Variants in ZNF763 observed in about 807,000 individuals in gnomAD.
The protein encoded by ZNF763 is DNA-binding protein.
Under a neutral mutation model 38.0 loss-of-function variants are expected in ZNF763, and 33 were observed. The observed-to-expected ratio is 0.87, with a 90% CI of 0.66 to 1.16. ZNF763 has a LOEUF of 1.16. Among genes scored for constraint, ZNF763 ranks in the 50% most tolerant of loss-of-function variants. The pLI, the probability that ZNF763 is intolerant of heterozygous loss-of-function variation, is 0.00. For synonymous variants in ZNF763, 155 were observed against 160.1 expected, an observed-to-expected ratio of 0.97 and a Z score of 0.24; for missense variants, 423 against 469.1, an observed-to-expected ratio of 0.90 and a Z score of 0.91.
chr19:11,978,973 C>G lies in ZNF763; in HGVS notation c.1049C>G (p.Thr350Arg). 1 of 1,614,122 alleles carries G rather than the reference C, an allele frequency of 6.2e-7. No individual in the cohort carries two copies. The highest frequency in any genetic ancestry group is 8.5e-7 in the Non-Finnish European group (1 of 1,180,012). ...YQCKECRKAF[T>R]YPSSLRRHER... ...TGTAAGGAATGTAGAAAAGCATTCA[C>G]GTATCCCAGTTCCCTTCGTAGACAT... is the stretch of plus-strand genomic sequence containing the variant. Residue 350 changes from threonine (T) to arginine (R), a missense_variant, in exon 4 of 4, where the codon ACG (threonine) becomes AGG (arginine). Coordinates refer to ENST00000358987, the MANE Select transcript of ZNF763 (RefSeq NM_001367172.2).
chr19:11,974,439 C>T (rs1013443392), intron 1 of ZNF763, among the ~76,000 whole-genome samples: 1 of 151,772 alleles, frequency 6.6e-6, no homozygotes, highest in Non-Finnish European at 1.5e-5. Flanking sequence ...TCAGGTGATC[C>T]ACCCGCCTTG....
chr19:11,969,400 G>A (rs1031835422), intron 1 of ZNF763, among the ~76,000 whole-genome samples: 4 of 152,134 alleles, frequency 2.6e-5, no homozygotes, highest in Non-Finnish European at 4.4e-5. Flanking sequence ...TCACTGCACC[G>A]GGCCTGACTT....
rs754164570 is a variant in ZNF763 at position 11,978,787 on chromosome 19, A to T, written c.863A>T (p.Gln288Leu). ...HTGGKPYECK[Q>L]CGKSFSWCHS... ...GGGGGAAAGCCATATGAATGTAAAC[A>T]ATGTGGCAAATCCTTCAGTTGGTGT... The change falls in exon 4 of 4, where the codon CAA (glutamine) becomes CTA (leucine). Residue 288 changes from glutamine (Q) to leucine (L), a missense_variant. Coordinates refer to ENST00000358987, the MANE Select transcript of ZNF763 (RefSeq NM_001367172.2). 13 of 1,614,156 alleles carry T rather than the reference A, an allele frequency of 8.1e-6. No homozygotes were observed. The South Asian group carries it at 1.3e-4, about 16-fold the overall frequency.
At chr19:11,971,884 A>G (rs1973358642) in intron 1 of ZNF763, among the ~76,000 whole-genome samples, 1 of 152,026 alleles carries the variant, frequency 6.6e-6, no homozygotes, top group Non-Finnish European at 1.5e-5. Context: ...ACAAACGTGG[A>G]GGTTTCCATG....
At chr19:11,970,427 G>A (rs937105716) in intron 1 of ZNF763, among the ~76,000 whole-genome samples, 4 of 152,248 alleles carry the variant, frequency 2.6e-5, no homozygotes, top group Middle Eastern at 3.4e-3. Flanking sequence ...TTATAACAAC[G>A]TTAAATCCAT....
In ZNF763 at chr19:11,978,663, G is replaced by T; in HGVS notation, c.739G>T (p.Glu247Ter). 1 of 1,614,024 alleles carries T rather than the reference G, an allele frequency of 6.2e-7. No homozygotes were observed. The highest frequency in any genetic ancestry group is 8.5e-7 in the Non-Finnish European group (1 of 1,179,972). The change falls in exon 4 of 4, where the codon GAA (glutamate) becomes TAA (stop). Residue 247 changes from glutamate to a stop codon, truncating the protein, a stop_gained. Transcript: ENST00000358987. LOFTEE classifies it high-confidence loss of function. Reference sequence around the variant, plus strand: ...TTATTCTGCTACCCATCGAATACATGAAAGAACTCACACTGGAGAAAAGCC... The same window carrying T: ...TTATTCTGCTACCCATCGAATACATTAAAGAACTCACACTGGAGAAAAGCC... ...FSYSATHRIH[E>*]RTHTGEKPYE...
In ZNF763 at chr19:11,978,958, G is replaced by A. The variant is rs1291185678; in HGVS notation, c.1034G>A (p.Cys345Tyr). 6.2e-7 allele frequency: 1 copy of A among 1,614,212 alleles called. No individual in the cohort carries two copies. The highest frequency in any genetic ancestry group is 1.1e-5 in the South Asian group (1 of 91,088). Residue 345 changes from cysteine (C) to tyrosine (Y), a missense_variant, in exon 4 of 4, where the codon TGT becomes TAT. Coordinates refer to ENST00000358987, the MANE Select transcript of ZNF763 (RefSeq NM_001367172.2). The stretch of plus-strand genomic sequence containing the variant: ...GAGAAGCCTTATCAATGTAAGGAAT[G>A]TAGAAAAGCATTCACGTATCCCAGT... ...TGEKPYQCKE[C>Y]RKAFTYPSSL...
intron 1 of ZNF763, among the ~76,000 whole-genome samples, chr19:11,971,480 G>C (rs566110431): frequency 2.0e-5 from 3 of 152,140 alleles, no homozygotes; most frequent in South Asian, 4.2e-4. Context: ...ATTCTATAGA[G>C]CATCTTGGCT....
intron 1 of ZNF763, among the ~76,000 whole-genome samples, chr19:11,972,026 C>T (rs904372809): frequency 2.0e-5 from 3 of 151,084 alleles, no homozygotes; most frequent in Admixed American, 1.3e-4. Flanking sequence ...GGTGTCATTG[C>T]ACTCCAGCCC....
At position 11,979,788 on chromosome 19, in the gene ZNF763, A is replaced by C; in HGVS notation, c.*679A>C. ...CATGGTAGAACTCACACTGGAGAGAAACCCTATGAGTGTAAGGAATGTGGG... is the reference window on the plus strand; with the variant it reads ...CATGGTAGAACTCACACTGGAGAGACACCCTATGAGTGTAAGGAATGTGGG... On this transcript the variant is annotated 3_prime_UTR_variant, in exon 4 of 4. Coordinates refer to ENST00000358987, the MANE Select transcript of ZNF763 (RefSeq NM_001367172.2). 2 of 1,579,268 alleles carry C rather than the reference A, an allele frequency of 1.3e-6. No individual in the cohort carries two copies. Among genetic ancestry groups the C allele is most frequent in the Non-Finnish European group, 1.7e-6 (2 of 1,150,926 alleles).
Position 11,974,126 on chromosome 19 carries a change from T to TTTCTTTCTTTTCTTTC in ZNF763, c.4-2910_4-2909insCTTTCTTTTCTTTCTT, listed in dbSNP as rs1177618111. On this transcript the variant is annotated intron_variant, in intron 1 of 3. Coordinates refer to ENST00000358987, the MANE Select transcript of ZNF763 (RefSeq NM_001367172.2). ...CTTTCTTTCTTTCTTTCTTTCTTTC[T>TTTCTTTCTTTTCTTTC]TTTCTTTCTTTCTTTCTTTCTTTCT... Among the ~76,000 whole-genome samples the TTTCTTTCTTTTCTTTC allele has an allele frequency of 4.6e-3, 252 of 54,966 alleles. 1 individual carries two copies. Among genetic ancestry groups the TTTCTTTCTTTTCTTTC allele is most frequent in the South Asian group, 7.3e-3 (10 of 1,368 alleles). The allele number at this position is 54,966 out of a possible 152,430, so 36.1% of individuals were successfully genotyped here. A position where few individuals can be genotyped will look rare whatever the true frequency, so the allele number is the denominator to read the frequency against.
At position 11,974,109 on chromosome 19, in the gene ZNF763, C is replaced by CT. The variant is rs774805657; in HGVS notation, c.4-2926dup. On this transcript the variant is annotated intron_variant, in intron 1 of 3. Coordinates refer to ENST00000358987, the MANE Select transcript of ZNF763 (RefSeq NM_001367172.2). ...TCTTTCTTTCTTTCTTTCTTTCTTT[C>CT]TTTCTTTCTTTCTTTCTTTTCTTTC... Among the ~76,000 whole-genome samples the CT allele has an allele frequency of 5.9e-3, 404 of 67,934 alleles. 1 individual carries two copies. Among genetic ancestry groups the CT allele is most frequent in the Middle Eastern group, 0.013 (2 of 154 alleles). The allele number at this position is 67,934 out of a possible 152,430, so 44.6% of individuals were successfully genotyped here. A position where few individuals can be genotyped will look rare whatever the true frequency, so the allele number is the denominator to read the frequency against.
In ZNF763 at chr19:11,980,381, CAA is replaced by C. The variant is rs34141334; in HGVS notation, c.*1289_*1290del. The C allele has an allele frequency of 3.2e-4, 39 of 123,662 alleles. No individual in the cohort carries two copies. Among genetic ancestry groups the C allele is most frequent in the South Asian group, 2.1e-3 (8 of 3,794 alleles). The allele number at this position is 123,662 out of a possible 1,614,324, so 7.7% of individuals were successfully genotyped here. On this transcript the variant is annotated 3_prime_UTR_variant, in exon 4 of 4. Coordinates refer to ENST00000358987, the MANE Select transcript of ZNF763 (RefSeq NM_001367172.2). The stretch of plus-strand genomic sequence containing the variant: ...GGGCAACAGGAGCAAAACTCCGTCT[CAA>C]AAAAAAAAAAAAAAAAGACTTGGCC...
chr19:11,978,583 G>T lies in ZNF763; in HGVS notation c.659G>T (p.Arg220Ile), dbSNP rs756848846. 2 of 1,614,192 alleles carry T rather than the reference G, an allele frequency of 1.2e-6. No individual in the cohort carries two copies. Among genetic ancestry groups the T allele is most frequent in the Non-Finnish European group, 1.7e-6 (2 of 1,180,018 alleles). Residue 220 changes from arginine to isoleucine, a missense_variant, in exon 4 of 4, where the codon AGA (arginine) becomes ATA (isoleucine). Physicochemically the swap from Arg to Ile is moderately conservative, Grantham distance 97. Coordinates refer to ENST00000358987, the MANE Select transcript of ZNF763 (RefSeq NM_001367172.2). ...CTCAGATTATATCTTATCCATGAAA[G>T]AACTCACACTGGAGAGAAACCGTAT... ...HCLRLYLIHERTHTGEKPYEC... is the reference protein window; with the variant it reads ...HCLRLYLIHEITHTGEKPYEC...
chr19:11,965,261 A>T lies in ZNF763; in HGVS notation c.3+50A>T, dbSNP rs970726361. On this transcript the variant is annotated intron_variant, in intron 1 of 3. Coordinates refer to ENST00000358987, the MANE Select transcript of ZNF763 (RefSeq NM_001367172.2). Reference sequence around the variant, plus strand: ...CGAGACGGGGTAGAGGCTGCCTGGAACCGGCCGGAACCGGCTGCGGCGGGA... The same window carrying T: ...CGAGACGGGGTAGAGGCTGCCTGGATCCGGCCGGAACCGGCTGCGGCGGGA... 5 of 1,611,794 alleles carry T rather than the reference A, an allele frequency of 3.1e-6. No individual in the cohort carries two copies. In the African/African-American group the frequency reaches 5.3e-5, roughly 17 times the overall value.
chr19:11,980,572 G>A lies in ZNF763; in HGVS notation c.*1463G>A, dbSNP rs982357217. Among the ~76,000 whole-genome samples the A allele has an allele frequency of 6.6e-6, 1 of 151,988 alleles. No homozygotes were observed. The highest frequency in any genetic ancestry group is 2.4e-5 in the African/African-American group (1 of 41,374). On this transcript the variant is annotated 3_prime_UTR_variant, in exon 4 of 4. Coordinates refer to ENST00000358987, the MANE Select transcript of ZNF763 (RefSeq NM_001367172.2). ...TTAGAAAGCTATTTTTTTCAGGTTGGTTTAGTGAGTCACAGGAAGCTAATA... is the reference window on the plus strand; with the variant it reads ...TTAGAAAGCTATTTTTTTCAGGTTGATTTAGTGAGTCACAGGAAGCTAATA...
intron 1 of ZNF763, among the ~76,000 whole-genome samples, chr19:11,970,341 G>T (rs997668668): frequency 6.6e-6 from 1 of 152,228 alleles, no homozygotes; most frequent in African/African-American, 2.4e-5. Context: ...TCCCATATGT[G>T]AGTTAACCAC....
chr19:11,975,108 T>C (rs79405306), intron 1 of ZNF763, among the ~76,000 whole-genome samples: 1 of 152,020 alleles, frequency 6.6e-6, no homozygotes, highest in South Asian at 2.1e-4. Flanking sequence ...TTTTTTTTTT[T>C]TCTCGTTGAG....
At chr19:11,969,586 A>G (rs948479789) in intron 1 of ZNF763, among the ~76,000 whole-genome samples, 3 of 152,134 alleles carry the variant, frequency 2.0e-5, no homozygotes, top group African/African-American at 7.2e-5. Flanking sequence ...CACCTCACAC[A>G]GTTTGGCCTC....
Sources: allele counts gnomAD v4.1 joint callset (sites outside exome capture counted in the v4.1 genomes callset), GRCh38; gene constraint gnomAD v4.1.1; transcripts MANE v1.5; gene names NCBI Gene and HGNC (gene_info 2026-07-23, HGNC 2026-07-21).